The following EIF3A variants were observed in gnomAD, a reference collection of about 807,000 sequenced individuals.
The protein encoded by EIF3A is EIF3, p180 subunit.
A neutral mutation model predicts 186.6 loss-of-function variants in EIF3A; 21 were observed. The observed-to-expected ratio is 0.11, with a 90% CI of 0.08 to 0.16. EIF3A has a LOEUF of 0.16. Among genes scored for constraint, EIF3A ranks in the 10% least tolerant of loss-of-function variants. The pLI is 1.00. For missense variants in EIF3A, 1,306 were observed against 1,796.3 expected, an observed-to-expected ratio of 0.73 and a Z score of 4.93; for synonymous variants, 563 against 584.3, an observed-to-expected ratio of 0.96 and a Z score of 0.52.
rs867828439 is a variant in EIF3A, at chr10:119,042,801, A to C, written c.2748-29T>G. The stretch of plus-strand genomic sequence containing the variant: ...CACAGCAACAAGAACAATTAAAAAT[A>C]TATAAAATAAAAAAGCATATGATCC... On this transcript the variant is annotated intron_variant, in intron 18 of 21. Transcript: ENST00000369144. The surrounding 1 kb of genome is among the most constrained non-coding windows in gnomAD (Gnocchi z 7.8). The C allele has an allele frequency of 4.6e-6, 7 of 1,529,562 alleles. No homozygotes were observed. The highest frequency in any genetic ancestry group is 1.4e-5 in the African/African-American group (1 of 71,880). The allele number at this position is 1,529,562 out of a possible 1,614,324, so 94.7% of individuals were successfully genotyped here. A position where few individuals can be genotyped will look rare whatever the true frequency, so the allele number is the denominator to read the frequency against.
chr10:119,043,287 T>G (rs867481120), intron 18 of EIF3A, among the ~76,000 whole-genome samples: 17 of 151,288 alleles, frequency 1.1e-4, no homozygotes, highest in African/African-American at 3.2e-4. Flanking sequence ...GGCGTGGTGG[T>G]GCATGTCTGT....
chr10:119,042,157 C>G lies in EIF3A; in HGVS notation c.3363G>C (p.Arg1121Ser). 1 of 1,614,026 alleles carries G rather than the reference C, an allele frequency of 6.2e-7. No individual in the cohort carries two copies. The highest frequency in any genetic ancestry group is 1.3e-5 in the African/African-American group (1 of 74,944). ...TGGGAATTCTGTCATCATCGGCGTT[C>G]CTCCAAGGTCCTCGATCATCATCCA... ...RGLDDDRGPW[R>S]NADDDRIPRR... The change falls in exon 19 of 22, where the codon AGG (arginine) becomes AGC (serine). Residue 1121 changes from arginine to serine, a missense_variant. Physicochemically the swap from Arg to Ser is moderately radical, Grantham distance 110. Around this residue, in one of 8 missense-constraint regions of EIF3A, gnomAD observed 331 missense variants for 365.8 expected, o/e 0.90. Transcript: ENST00000369144. The surrounding 1 kb of genome is among the most constrained non-coding windows in gnomAD (Gnocchi z 7.8).
chr10:119,060,060 A>G (rs1270895576), intron 9 of EIF3A: 1 of 517,986 alleles, frequency 1.9e-6, no homozygotes, highest in Non-Finnish European at 3.8e-6. Flanking sequence ...TATACTGCTA[A>G]TTAGCCTTCA....
chr10:119,050,720 A>T, intron 15 of EIF3A, 46 bp from the exon 16 acceptor site: 1 of 1,605,842 alleles, frequency 6.2e-7, no homozygotes, highest in Non-Finnish European at 8.5e-7. Context: ...CACTTTGTCA[A>T]GAGCAACAAA....
intron 1 of EIF3A, among the ~76,000 whole-genome samples, chr10:119,076,468 G>A (rs1844175562): frequency 1.3e-5 from 2 of 149,270 alleles, no homozygotes; most frequent in Admixed American, 6.8e-5. Flanking sequence ...TCCATCTTTC[G>A]CTGACTCCAT....
At chr10:119,037,844 C>T (rs551808951) in intron 20 of EIF3A, among the ~76,000 whole-genome samples, 9 of 150,750 alleles carry the variant, frequency 6.0e-5, no homozygotes, top group Non-Finnish European at 1.3e-4. Flanking sequence ...CAATGCCCAA[C>T]GGGTCACACA....
rs1848114896 is a variant in EIF3A at position 119,035,453 on chromosome 10, C to T, written c.*586G>A. The T allele has an allele frequency of 1.3e-5, 2 of 149,282 alleles. No individual in the cohort carries two copies. Among genetic ancestry groups the T allele is most frequent in the African/African-American group, 2.4e-5 (1 of 40,952 alleles). 9.2% of individuals were successfully genotyped at this position (149,282 alleles called of 1,614,324 possible). On this transcript the variant is annotated 3_prime_UTR_variant, in exon 22 of 22. Coordinates refer to ENST00000369144, the MANE Select transcript of EIF3A (RefSeq NM_003750.4). ...CAACAACTGCAAATTGCTTTGTACT[C>T]ACCTTCTCTCAAGTAAAATCTAAAG... is the stretch of plus-strand genomic sequence containing the variant.
At chr10:119,071,399 G>GT (rs1468304584) in intron 4 of EIF3A, among the ~76,000 whole-genome samples, 1 of 152,004 alleles carries the variant, frequency 6.6e-6, no homozygotes, top group Non-Finnish European at 1.5e-5. Flanking sequence ...AATCCTAGGA[G>GT]TAAAAAAATC....
chr10:119,041,396 A>G (rs1166234937), intron 19 of EIF3A, among the ~76,000 whole-genome samples: 1 of 151,946 alleles, frequency 6.6e-6, no homozygotes, highest in African/African-American at 2.4e-5. Flanking sequence ...AACATAGCGA[A>G]ACCCCGTCTC....
At chr10:119,064,013 G>T (rs6585525) in intron 7 of EIF3A, among the ~76,000 whole-genome samples, 150,381 of 152,264 alleles carry the variant, frequency 0.99, 74,286 homozygotes, top group Middle Eastern at 1. Context: ...TGGGAGGTGG[G>T]GGTTACAGTG....
At chr10:119,061,966 T>C (rs909349974) in intron 7 of EIF3A, among the ~76,000 whole-genome samples, 3 of 152,050 alleles carry the variant, frequency 2.0e-5, no homozygotes, top group South Asian at 2.1e-4. Flanking sequence ...TGTGTACCCA[T>C]AGAGAGTGGG....
At position 119,034,188 on chromosome 10, in the gene EIF3A, C is replaced by G. The variant is rs61708394; in HGVS notation, c.*1851G>C. Reference sequence around the variant, plus strand: ...TGGCCTGGACAGTGGAAACCAAGAGCAGGATCGCAAAGTAACAGCATCAGA... The same window carrying G: ...TGGCCTGGACAGTGGAAACCAAGAGGAGGATCGCAAAGTAACAGCATCAGA... On this transcript the variant is annotated 3_prime_UTR_variant, in exon 22 of 22. Coordinates refer to ENST00000369144, the MANE Select transcript of EIF3A (RefSeq NM_003750.4). The G allele has an allele frequency of 0.01, 1,729 of 167,214 alleles. 31 individuals are homozygous for G. The highest frequency in any genetic ancestry group is 0.051 in the East Asian group (265 of 5,196). The allele number at this position is 167,214 out of a possible 1,614,324, so 10.4% of individuals were successfully genotyped here.
At chr10:119,064,916 G>A (rs967045271) in intron 7 of EIF3A, among the ~76,000 whole-genome samples, 3 of 152,076 alleles carry the variant, frequency 2.0e-5, no homozygotes, top group Admixed American at 6.6e-5. Context: ...CGCCATGTTT[G>A]CCAGGCTGGT....
At chr10:119,068,607 C>T (rs956250160) in intron 6 of EIF3A, among the ~76,000 whole-genome samples, 5 of 151,878 alleles carry the variant, frequency 3.3e-5, no homozygotes, top group African/African-American at 1.2e-4. Context: ...ACCCAGGAGG[C>T]GGAGTGAGAT....
At chr10:119,048,166 AAAGG>A (rs1848306836) in intron 17 of EIF3A, among the ~76,000 whole-genome samples, 8 of 135,212 alleles carry the variant, frequency 5.9e-5, no homozygotes, top group Admixed American at 5.6e-4. Context: ...CCAACCAATG[AAAGG>A]TCTGAAATCC....
intron 6 of EIF3A, among the ~76,000 whole-genome samples, chr10:119,066,504 TCAAAAAAAA>T: frequency 5.5e-5 from 1 of 18,318 alleles, no homozygotes; most frequent in African/African-American, 2.6e-4. Flanking sequence ...GTTAAGACTG[TCAAAAAAAA>T]AAAAAAAAAA....
intron 19 of EIF3A, among the ~76,000 whole-genome samples, chr10:119,040,732 C>T (rs530970994): frequency 4.0e-5 from 6 of 151,838 alleles, no homozygotes; most frequent in African/African-American, 1.2e-4. Context: ...AATGGCCGGG[C>T]GTGGTGGCTC....
chr10:119,043,902 AAAAC>A, intron 18 of EIF3A, 148 bp downstream of exon 18: 3 of 638,890 alleles, frequency 4.7e-6, no homozygotes, highest in Non-Finnish European at 8.2e-6. Context: ...CAGACCCAAA[AAAAC>A]AAAATACAAA....
Position 119,042,925 on chromosome 10 carries a change from G to A in EIF3A, c.2748-153C>T, listed in dbSNP as rs1848232932. Among the ~76,000 whole-genome samples, 1 of 152,214 alleles carries A rather than the reference G, an allele frequency of 6.6e-6. No homozygotes were observed. The highest frequency in any genetic ancestry group is 1.5e-5 in the Non-Finnish European group (1 of 68,044). On this transcript the variant is annotated intron_variant, in intron 18 of 21. Transcript: ENST00000369144. This position sits in a 1 kb window ranked among gnomAD's most constrained non-coding sequence, Gnocchi z 7.8. ...CCCAGCACTCTGGGAAGCAGAGGCA[G>A]GCAGATCACCTGAGGTCAGGAGTTC...
Sources: gnomAD v4.1 joint callset for allele counts (sites outside exome capture counted in the v4.1 genomes callset) on GRCh38, gnomAD v4.1.1 for gene constraint, gnomAD v4.1.1 regional missense constraint, Gnocchi (gnomAD v3.1) non-coding constraint, MANE v1.5 for transcripts, NCBI Gene and HGNC (gene_info 2026-07-23, HGNC 2026-07-21) for gene names.